TRAK1: variants seen among roughly 807,000 people sequenced by gnomAD.
TRAK1 encodes trafficking kinesin protein 1.
TRAK1 carries 33 observed loss-of-function variants against 92.1 expected under a neutral mutation model. That is an observed-to-expected ratio of 0.36 (90% CI 0.27 to 0.48). The LOEUF (loss-of-function observed/expected upper bound fraction) is 0.48, where lower values mean the gene tolerates loss of function less well. TRAK1 is among the 20% of genes least tolerant of loss of function. TRAK1 has a pLI of 0.99. For missense variants in TRAK1, 1,123 were observed against 1,257.9 expected (o/e 0.89, Z 1.62); for synonymous variants, 521 against 517.3 (o/e 1.01, Z -0.10).
intron 2 of TRAK1, among the ~76,000 whole-genome samples, chr3:42,128,086 G>A (rs551726992): frequency 6.6e-6 from 1 of 152,312 alleles, no homozygotes; most frequent in Admixed American, 6.5e-5. Context: ...GGCTGAGGCA[G>A]GAGAATCACT....
chr3:42,095,237 C>T (rs905774715), intron 1 of TRAK1, among the ~76,000 whole-genome samples: 2 of 152,174 alleles, frequency 1.3e-5, no homozygotes, highest in African/African-American at 2.4e-5. Flanking sequence ...ATGTTGTCCT[C>T]AGCACAGCTC....
chr3:42,122,812 C>T (rs574726385), intron 1 of TRAK1, among the ~76,000 whole-genome samples: 1 of 152,250 alleles, frequency 6.6e-6, no homozygotes, highest in South Asian at 2.1e-4. Flanking sequence ...CTTCTGTTCC[C>T]AGCAGAGCTT....
At chr3:42,039,839 A>G (rs543032988) in intron 1 of TRAK1, among the ~76,000 whole-genome samples, 3 of 152,212 alleles carry the variant, frequency 2.0e-5, no homozygotes, top group Non-Finnish European at 2.9e-5. Context: ...CATTTCCACC[A>G]GCAGTGTATT....
chr3:42,089,797 C>G (rs913199037), upstream of TRAK1, among the ~76,000 whole-genome samples: 1 of 151,698 alleles, frequency 6.6e-6, no homozygotes, highest in African/African-American at 2.4e-5. Context: ...CCCAAACTTG[C>G]AGTAGACTAA....
rs1187483240 is a variant in TRAK1, at chr3:42,125,427, C to T, written c.99C>T (p.Cys33=). 1 of 1,613,932 alleles carries T rather than the reference C, an allele frequency of 6.2e-7. No homozygotes were observed. Among genetic ancestry groups the T allele is most frequent in the East Asian group, 2.2e-5 (1 of 44,878 alleles). The change falls in exon 2 of 16, where the codon TGC becomes TGT. Residue 33 remains cysteine (C), a synonymous_variant. Transcript: ENST00000327628. ...TGGTTGTCTTGTCTTTAGATGTGTG[C>T]AACAGCACCGATCTTCCGGAAGTCG... ...KLIRTNACDV[C]NSTDLPEVEI...
chr3:42,160,439 C>G, intron 2 of TRAK1: 1 of 1,614,212 alleles, frequency 6.2e-7, no homozygotes, highest in Middle Eastern at 1.6e-4. Context: ...AGCCAACCCA[C>G]AGGCAGCATG....
upstream of TRAK1, among the ~76,000 whole-genome samples, chr3:42,084,808 T>G (rs1704597924): frequency 6.6e-6 from 1 of 150,376 alleles, no homozygotes; most frequent in Non-Finnish European, 1.5e-5. Context: ...TTCTTTTTTT[T>G]TTTTTTCCTT....
intron 14 of TRAK1, among the ~76,000 whole-genome samples, chr3:42,216,210 T>C (rs986190143): frequency 6.6e-6 from 1 of 152,126 alleles, no homozygotes; most frequent in African/African-American, 2.4e-5. Context: ...GCAGTGGGCT[T>C]CCTACGTATT....
intron 1 of TRAK1, among the ~76,000 whole-genome samples, chr3:42,063,432 T>C (rs1172282832): frequency 5.9e-5 from 9 of 152,220 alleles, no homozygotes; most frequent in Non-Finnish European, 1.2e-4. Flanking sequence ...GTGCCTGTAA[T>C]CCCAGCACTT....
intron 13 of TRAK1, chr3:42,203,905 G>T (rs529827395): frequency 1.0e-4 from 102 of 975,798 alleles, no homozygotes; most frequent in Non-Finnish European, 1.2e-4. Context: ...ACCTGTTTTT[G>T]CTTCTTGGGA....
At chr3:42,142,333 G>A (rs920118465) in intron 2 of TRAK1, among the ~76,000 whole-genome samples, 24 of 152,146 alleles carry the variant, frequency 1.6e-4, no homozygotes, top group African/African-American at 5.3e-4. Context: ...ACTTCACCTG[G>A]AACATGTTTG....
chr3:42,028,012 G>A (rs552798542), intron 1 of TRAK1, among the ~76,000 whole-genome samples: 2 of 152,250 alleles, frequency 1.3e-5, no homozygotes, highest in East Asian at 3.9e-4. Context: ...ATCATGCCCA[G>A]CTGATTTTTT....
intron 10 of TRAK1, among the ~76,000 whole-genome samples, chr3:42,197,177 G>T (rs962116237): frequency 2.0e-5 from 3 of 152,122 alleles, no homozygotes; most frequent in Non-Finnish European, 4.4e-5. Context: ...AAGTCACAGA[G>T]CCTGCATGTG....
At chr3:42,187,534 C>G (rs894649247) in intron 4 of TRAK1, among the ~76,000 whole-genome samples, 1 of 151,948 alleles carries the variant, frequency 6.6e-6, no homozygotes, top group African/African-American at 2.4e-5. Flanking sequence ...GTGGTGTGAT[C>G]TCAGCTCACT....
upstream of TRAK1, among the ~76,000 whole-genome samples, chr3:42,085,863 CATTA>C (rs1246460023): frequency 1.3e-5 from 2 of 152,118 alleles, no homozygotes; most frequent in African/African-American, 4.8e-5. Context: ...ATGAAAGTTC[CATTA>C]ATTAGCTTTC....
At chr3:42,124,504 A>G (rs774944909) in intron 1 of TRAK1, among the ~76,000 whole-genome samples, 4 of 152,198 alleles carry the variant, frequency 2.6e-5, no homozygotes, top group Non-Finnish European at 4.4e-5. Flanking sequence ...CCATGTTGTC[A>G]TGTTTGCATT....
intron 15 of TRAK1, 78 bp downstream of exon 15, chr3:42,219,674 AG>A: frequency 6.6e-7 from 1 of 1,520,002 alleles, no homozygotes. Flanking sequence ...CTTAATGTTG[AG>A]GAAAGCCAAG....
intron 1 of TRAK1, among the ~76,000 whole-genome samples, chr3:42,038,676 T>C (rs1291713091): frequency 6.6e-6 from 1 of 150,718 alleles, no homozygotes; most frequent in Admixed American, 6.6e-5. Flanking sequence ...TAATCCCAGC[T>C]ACTTGGGAGG....
intron 1 of TRAK1, among the ~76,000 whole-genome samples, chr3:42,020,210 C>G (rs772275681): frequency 3.8e-4 from 58 of 152,214 alleles, no homozygotes; most frequent in Admixed American, 9.2e-4. Flanking sequence ...GTTGCATTAC[C>G]ATCTAAGGTT....
Sources: allele counts gnomAD v4.1 joint callset (sites outside exome capture counted in the v4.1 genomes callset), GRCh38; gene constraint gnomAD v4.1.1; transcripts MANE v1.5; gene names NCBI Gene and HGNC (gene_info 2026-07-23, HGNC 2026-07-21).